Variants in BICD1 observed in about 807,000 individuals in gnomAD.
BICD1 encodes protein bicaudal D homolog 1.
Under a neutral mutation model 92.5 loss-of-function variants are expected in BICD1, and 35 were observed. That is an observed-to-expected ratio of 0.38 (90% CI 0.29 to 0.50). The LOEUF is 0.50. Ranked by LOEUF, BICD1 falls within the 20% of genes least tolerant of loss-of-function variation. The pLI, the probability that BICD1 is intolerant of heterozygous loss-of-function variation, is 0.93. For missense variants in BICD1, 950 were observed against 1,189.8 expected (o/e 0.80, Z 2.97); for synonymous variants, 429 against 465.1 (o/e 0.92, Z 1.00).
chr12:32,230,394 T>TCA lies in BICD1; in HGVS notation c.426+13935_426+13936insCA, dbSNP rs201916944. 5.8e-3 allele frequency among the ~76,000 whole-genome samples: 865 copies of TCA among 147,940 alleles called. 6 individuals are homozygous for TCA. The highest frequency in any genetic ancestry group is 0.019 in the East Asian group (96 of 5,086). ...CAGTCTAGGCAACAGAATGAGACCC[T>TCA]GTCTCAAATAAATAAATAAATAAAT... On this transcript the variant is annotated intron_variant, in intron 2 of 9. Transcript: ENST00000652176.
chr12:32,122,446 G>T (rs1435423703), intron 1 of BICD1, among the ~76,000 whole-genome samples: 1 of 149,442 alleles, frequency 6.7e-6, no homozygotes, highest in Non-Finnish European at 1.5e-5. Context: ...CTGAGATCGC[G>T]CCACTGCAGT....
chr12:32,119,037 A>T (rs1360017019), intron 1 of BICD1, among the ~76,000 whole-genome samples: 4 of 152,164 alleles, frequency 2.6e-5, no homozygotes, highest in Non-Finnish European at 4.4e-5. Flanking sequence ...GTGATCAGGC[A>T]GTCTTCCCCA....
chr12:32,245,101 A>G (rs1353330686), intron 2 of BICD1, among the ~76,000 whole-genome samples: 1 of 152,320 alleles, frequency 6.6e-6, no homozygotes, highest in East Asian at 1.9e-4. Context: ...CATCTGTATA[A>G]TAGGGATAAA....
chr12:32,232,365 T>C (rs1254026583), intron 2 of BICD1, among the ~76,000 whole-genome samples: 1 of 152,112 alleles, frequency 6.6e-6, no homozygotes, highest in South Asian at 2.1e-4. Context: ...TTCATGTGTT[T>C]TTTGGCTGCA....
intron 2 of BICD1, among the ~76,000 whole-genome samples, chr12:32,228,988 G>A (rs188188799): frequency 6.6e-6 from 1 of 152,130 alleles, no homozygotes; most frequent in African/African-American, 2.4e-5. Context: ...CTGGGATCAC[G>A]CCTGTAATCC....
chr12:32,158,886 G>A (rs1056716134), intron 1 of BICD1, among the ~76,000 whole-genome samples: 1 of 152,196 alleles, frequency 6.6e-6, no homozygotes, highest in Non-Finnish European at 1.5e-5. Flanking sequence ...TGCTTGTTGA[G>A]TGAGTGCGTG....
At chr12:32,227,783 G>C (rs1945748247) in intron 2 of BICD1, 1 of 154,286 alleles carries the variant, frequency 6.5e-6, no homozygotes. Flanking sequence ...CTGGAGGCTT[G>C]AAATGCCACC....
chr12:32,245,335 C>A (rs1033888195), intron 2 of BICD1, among the ~76,000 whole-genome samples: 1 of 151,980 alleles, frequency 6.6e-6, no homozygotes, highest in Non-Finnish European at 1.5e-5. Context: ...CAAGCTCCCC[C>A]TCCCAGGTTC....
intron 2 of BICD1, among the ~76,000 whole-genome samples, chr12:32,233,827 C>T (rs116474203): frequency 1.9e-3 from 288 of 152,242 alleles, no homozygotes; most frequent in African/African-American, 6.7e-3. Context: ...GTCTTGACCT[C>T]TATTTCCAAA....
At chr12:32,142,178 G>C (rs1377187447) in intron 1 of BICD1, among the ~76,000 whole-genome samples, 1 of 151,854 alleles carries the variant, frequency 6.6e-6, no homozygotes, top group Non-Finnish European at 1.5e-5. Context: ...GGCCAAGGTG[G>C]GCGGGTCACT....
chr12:32,293,974 T>C lies in BICD1; in HGVS notation c.427-20T>C, dbSNP rs759091552. 4.4e-6 allele frequency: 7 copies of C among 1,605,752 alleles called. No homozygotes were observed. The African/African-American group carries it at 6.7e-5, about 15-fold the overall frequency. On this transcript the variant is annotated intron_variant, in intron 2 of 9. Transcript: ENST00000652176. ...TACAATAAGAGAGTTATATATTGAC[T>C]GTTTACTCTGTTGTTTCAGAACAAT... is the stretch of plus-strand genomic sequence containing the variant.
intron 8 of BICD1, among the ~76,000 whole-genome samples, chr12:32,365,163 G>C (rs1470594072): frequency 1.3e-5 from 2 of 152,190 alleles, no homozygotes; most frequent in Non-Finnish European, 2.9e-5. Flanking sequence ...CATGAACCCA[G>C]GAGGCGGAGA....
intron 1 of BICD1, among the ~76,000 whole-genome samples, chr12:32,153,934 G>A (rs1271441311): frequency 1.3e-5 from 2 of 151,850 alleles, no homozygotes; most frequent in Non-Finnish European, 2.9e-5. Flanking sequence ...ACTCTGGTCT[G>A]GTCACCATCA....
chr12:32,365,020 G>A (rs325434), intron 8 of BICD1, among the ~76,000 whole-genome samples: 14,184 of 152,198 alleles, frequency 0.093, 758 homozygotes, highest in Middle Eastern at 0.14. Context: ...TGGATCACCC[G>A]AAGTCAGGAG....
Position 32,107,213 on chromosome 12 carries a change from G to A in BICD1, c.-119G>A, listed in dbSNP as rs1941502974. ...GGGGCATCGCGCTGCTCATTCATCC[G>A]GCCGCACTTTCTTTTCCGTTTCCAC... On this transcript the variant is annotated 5_prime_UTR_variant, in exon 1 of 10. Coordinates refer to ENST00000652176, the MANE Select transcript of BICD1 (RefSeq NM_001714.4). 2 of 983,526 alleles carry A rather than the reference G, an allele frequency of 2.0e-6. No homozygotes were observed. The highest frequency in any genetic ancestry group is 5.3e-5 in the Admixed American group (2 of 37,602). The allele number at this position is 983,526 out of a possible 1,614,324, so 60.9% of individuals were successfully genotyped here.
intron 9 of BICD1, among the ~76,000 whole-genome samples, chr12:32,376,080 AGT>A (rs1939943696): frequency 7.1e-6 from 1 of 141,266 alleles, no homozygotes; most frequent in African/African-American, 2.6e-5. Flanking sequence ...CCCCATTGCT[AGT>A]CACATTTTTT....
At chr12:32,171,786 T>C (rs1259812772) in intron 1 of BICD1, among the ~76,000 whole-genome samples, 2 of 151,980 alleles carry the variant, frequency 1.3e-5, no homozygotes, top group Non-Finnish European at 2.9e-5. Context: ...ATGTAAAAAT[T>C]AGCTGGGCAT....
At chr12:32,273,575 G>T (rs1447763506) in intron 2 of BICD1, among the ~76,000 whole-genome samples, 1 of 152,200 alleles carries the variant, frequency 6.6e-6, no homozygotes, top group Non-Finnish European at 1.5e-5. Flanking sequence ...GAAACTGGAT[G>T]ATTAAACCAC....
chr12:32,172,690 C>G (rs1231786860), intron 1 of BICD1, among the ~76,000 whole-genome samples: 1 of 152,142 alleles, frequency 6.6e-6, no homozygotes, highest in Non-Finnish European at 1.5e-5. Context: ...GTCAGTGTTA[C>G]TCTCAGAAGA....
Sources: gnomAD v4.1 joint callset for allele counts (sites outside exome capture counted in the v4.1 genomes callset) on GRCh38, gnomAD v4.1.1 for gene constraint, MANE v1.5 for transcripts, NCBI Gene and HGNC (gene_info 2026-07-23, HGNC 2026-07-21) for gene names.